Variants in PDE10A observed in about 807,000 individuals in gnomAD.
PDE10A encodes cAMP and cAMP-inhibited cGMP 3',5'-cyclic phosphodiesterase 10A.
Under a neutral mutation model 97.7 loss-of-function variants are expected in PDE10A, and 39 were observed. The ratio of observed to expected loss-of-function variants is 0.40; its 90% CI spans 0.31 to 0.52. PDE10A has a LOEUF of 0.52. PDE10A is among the 20% of genes least tolerant of loss of function. PDE10A has a pLI of 0.56. For missense variants in PDE10A, 731 were observed against 1,047.8 expected, an observed-to-expected ratio of 0.70 and a Z score of 4.17; for synonymous variants, 371 against 376.8, an observed-to-expected ratio of 0.98 and a Z score of 0.18.
Position 165,405,821 on chromosome 6 carries a change from G to C in PDE10A, c.2076+7680C>G, listed in dbSNP as rs113483814. 8.9e-3 allele frequency among the ~76,000 whole-genome samples: 1,357 copies of C among 152,298 alleles called. 48 individuals are homozygous for C. Among genetic ancestry groups the C allele is most frequent in the South Asian group, 0.084 (406 of 4,824 alleles). On this transcript the variant is annotated intron_variant, in intron 13 of 21. Coordinates refer to ENST00000539869, the MANE Select transcript of PDE10A (RefSeq NM_001385079.1). ...CTAGTGTCATAGCTGAAGGAGAGCT[G>C]CATCTACTGCAGAGCAGGCGCTTTT...
intron 1 of PDE10A, among the ~76,000 whole-genome samples, chr6:165,649,543 C>T (rs1789571025): frequency 6.6e-6 from 1 of 152,094 alleles, no homozygotes; most frequent in African/African-American, 2.4e-5. Flanking sequence ...AAAGCTCTCC[C>T]AGGGCAGAGT....
chr6:165,503,517 C>T (rs1029900460), intron 2 of PDE10A, among the ~76,000 whole-genome samples: 1 of 152,068 alleles, frequency 6.6e-6, no homozygotes, highest in African/African-American at 2.4e-5. Flanking sequence ...CAGGTCTCTG[C>T]CCATCAAGAA....
rs920063816 is a variant in PDE10A at position 165,329,566 on chromosome 6, C to G, written c.*3459G>C. ...CCAAACCTAAACCTATTAAAAAACC[C>G]AGGTATCTAAGGATTTATGCATCTA... On this transcript the variant is annotated 3_prime_UTR_variant, in exon 22 of 22. Coordinates refer to ENST00000539869, the MANE Select transcript of PDE10A (RefSeq NM_001385079.1). 1 of 152,048 alleles carries G rather than the reference C, an allele frequency of 6.6e-6. No homozygotes were observed. Among genetic ancestry groups the G allele is most frequent in the Non-Finnish European group, 1.5e-5 (1 of 68,010 alleles). 9.4% of individuals were successfully genotyped at this position (152,048 alleles called of 1,614,324 possible). A position where few individuals can be genotyped will look rare whatever the true frequency, so the allele number is the denominator to read the frequency against.
At chr6:165,608,062 G>A (rs1562625031) in intron 1 of PDE10A, among the ~76,000 whole-genome samples, 191 of 145,952 alleles carry the variant, frequency 1.3e-3, no homozygotes, top group African/African-American at 4.7e-3. Context: ...GTATATATAT[G>A]TATATATATA....
intron 2 of PDE10A, among the ~76,000 whole-genome samples, chr6:165,523,861 C>A (rs1782276141): frequency 6.6e-6 from 1 of 152,102 alleles, no homozygotes; most frequent in Non-Finnish European, 1.5e-5. Context: ...ATTGAAGGTA[C>A]AAAATATTAA....
At chr6:165,696,405 A>T (rs991185779) in intron 1 of PDE10A, among the ~76,000 whole-genome samples, 4 of 152,204 alleles carry the variant, frequency 2.6e-5, no homozygotes, top group Non-Finnish European at 4.4e-5. Flanking sequence ...CCTGCCCAGG[A>T]TGTGAATCAC....
At chr6:165,374,484 A>C (rs1281028690) in intron 18 of PDE10A, among the ~76,000 whole-genome samples, 1 of 152,054 alleles carries the variant, frequency 6.6e-6, no homozygotes, top group African/African-American at 2.4e-5. Context: ...TAAACAATTC[A>C]ACAAAGTATA....
At chr6:165,686,825 C>T (rs1274761051) in intron 1 of PDE10A, among the ~76,000 whole-genome samples, 1 of 152,230 alleles carries the variant, frequency 6.6e-6, no homozygotes. Context: ...GCCAGCACCT[C>T]CGCGGCTCAT....
At chr6:165,908,355 C>T (rs1018648170) in intron 1 of PDE10A, among the ~76,000 whole-genome samples, 6 of 152,168 alleles carry the variant, frequency 3.9e-5, no homozygotes, top group African/African-American at 1.4e-4. Flanking sequence ...AAACAACACC[C>T]ACAATGGCAA....
rs182535008 is a variant in PDE10A, at chr6:165,958,850, G to A, written c.-615+28679C>T. 1.4e-4 allele frequency among the ~76,000 whole-genome samples: 21 copies of A among 152,242 alleles called. No individual in the cohort carries two copies. The East Asian group carries it at 3.5e-3, about 25-fold the overall frequency. ...TCACTTTCAATATTCCACACCCTCC[G>A]GCAGTGCTTCCTCCCCTCTTGCTTC... is the stretch of plus-strand genomic sequence containing the variant. On this transcript the variant is annotated intron_variant, in intron 1 of 19. Transcript: ENST00000366882.
At chr6:165,631,996 T>A (rs1218409637) in intron 1 of PDE10A, among the ~76,000 whole-genome samples, 1 of 148,282 alleles carries the variant, frequency 6.7e-6, no homozygotes, top group East Asian at 2.0e-4. Context: ...AGGTCAGGAG[T>A]TTGAGACCAG....
chr6:165,715,042 A>T (rs1205682987), intron 1 of PDE10A, among the ~76,000 whole-genome samples: 1 of 152,264 alleles, frequency 6.6e-6, no homozygotes, highest in East Asian at 1.9e-4. Flanking sequence ...CCTGGGCAGG[A>T]ACCCACGGGC....
rs1417078985 is a variant in PDE10A, at chr6:165,332,571, A to T, written c.*454T>A. 6.4e-6 allele frequency: 1 copy of T among 155,666 alleles called. No homozygotes were observed. The highest frequency in any genetic ancestry group is 1.4e-5 in the Non-Finnish European group (1 of 70,544). The allele number at this position is 155,666 out of a possible 1,614,324, so 9.6% of individuals were successfully genotyped here. On this transcript the variant is annotated 3_prime_UTR_variant, in exon 22 of 22. Transcript: ENST00000539869. ...ATGAACATTCACCATTCACAATAGT[A>T]ATGTGTAAAAATTCCTATTTATATC...
chr6:165,794,787 A>G (rs1349865641), intron 1 of PDE10A, among the ~76,000 whole-genome samples: 1 of 152,374 alleles, frequency 6.6e-6, no homozygotes, highest in East Asian at 1.9e-4. Context: ...TTTAAAAGGC[A>G]GGTCTTAAGT....
chr6:165,835,321 A>T (rs1339881732), intron 1 of PDE10A, among the ~76,000 whole-genome samples: 2 of 152,182 alleles, frequency 1.3e-5, no homozygotes, highest in Non-Finnish European at 2.9e-5. Context: ...CTTTATACGG[A>T]TGGGCTTTGG....
At chr6:165,638,369 C>T (rs538472303) in intron 1 of PDE10A, among the ~76,000 whole-genome samples, 7 of 152,024 alleles carry the variant, frequency 4.6e-5, no homozygotes, top group Admixed American at 2.0e-4. Flanking sequence ...AGAGGAAGGA[C>T]GAGAAGGAAG....
chr6:165,764,448 T>C (rs1777756154), intron 1 of PDE10A, among the ~76,000 whole-genome samples: 1 of 152,026 alleles, frequency 6.6e-6, no homozygotes, highest in Non-Finnish European at 1.5e-5. Flanking sequence ...CCGGAATTGG[T>C]GGGTTCTTGG....
chr6:165,608,118 A>C (rs948177538), intron 1 of PDE10A, among the ~76,000 whole-genome samples: 1 of 148,960 alleles, frequency 6.7e-6, no homozygotes, highest in African/African-American at 2.5e-5. Context: ...GTATATATAT[A>C]TATTTTATTA....
chr6:165,984,055 G>A (rs770042500), intron 1 of PDE10A, among the ~76,000 whole-genome samples: 7 of 152,184 alleles, frequency 4.6e-5, no homozygotes, highest in Non-Finnish European at 8.8e-5. Flanking sequence ...GTAGTGGAGT[G>A]TTCACCCTTC....
Sources: allele counts gnomAD v4.1 joint callset (sites outside exome capture counted in the v4.1 genomes callset), GRCh38; gene constraint gnomAD v4.1.1; transcripts MANE v1.5; gene names NCBI Gene and HGNC (gene_info 2026-07-23, HGNC 2026-07-21).